The following HGFAC variants were observed in gnomAD, a reference collection of about 807,000 sequenced individuals.
HGFAC encodes the protein HGF activator.
In HGFAC, 76 loss-of-function variants were observed where a neutral mutation model predicts 70.6. The observed-to-expected ratio is 1.08, with a 90% confidence interval of 0.89 to 1.30. HGFAC has a LOEUF of 1.30. Ranked by LOEUF, HGFAC falls within the 50% of genes most tolerant of loss-of-function variation. The pLI is 0.00. For missense variants in HGFAC, 1,044 were observed against 933.7 expected (o/e 1.12, Z -1.54); for synonymous variants, 464 against 405.3 (o/e 1.14, Z -1.74).
Position 3,445,974 on chromosome 4 carries a change from G to A in HGFAC, c.1103-68G>A, listed in dbSNP as rs2109299213. On this transcript the variant is annotated intron_variant, in intron 9 of 13. Transcript: ENST00000382774. Reference sequence around the variant, plus strand: ...CTCTGCAGCGCCTCCTGCCGGGTAGGGCCTGTGTGTGGAAGGGGGCTGGCC... The same window carrying A: ...CTCTGCAGCGCCTCCTGCCGGGTAGAGCCTGTGTGTGGAAGGGGGCTGGCC... 7 of 1,587,978 alleles carry A rather than the reference G, an allele frequency of 4.4e-6. No individual in the cohort carries two copies. In the South Asian group the frequency reaches 6.9e-5, roughly 16 times the overall value.
In HGFAC at chr4:3,444,960, C is replaced by T; in HGVS notation, c.983C>T (p.Ala328Val). 1 of 1,603,836 alleles carries T rather than the reference C, an allele frequency of 6.2e-7. No individual in the cohort carries two copies. The highest frequency in any genetic ancestry group is 8.5e-7 in the Non-Finnish European group (1 of 1,176,560). The change falls in exon 8 of 14, where the codon GCC becomes GTC. Residue 328 changes from alanine to valine, a missense_variant. Transcript: ENST00000382774. ...CACGTGGACTCCGTGGGCGCCGCGG[C>T]CCTGCTGGGCCTGGGCCCCCATGCC... ...ELHVDSVGAA[A>V]LLGLGPHAYC...
Position 3,449,486 on chromosome 4 carries a change from A to C in HGFAC, c.*67A>C, listed in dbSNP as rs1577129127. ...GCTGACAATAAAGATATTTCCAAGA[A>C]CCCGGCCCACGCTGCCTGGCCCCTG... On this transcript the variant is annotated 3_prime_UTR_variant, in exon 14 of 14. Coordinates refer to ENST00000382774, the MANE Select transcript of HGFAC (RefSeq NM_001528.4). The C allele has an allele frequency of 2.8e-6, 4 of 1,418,200 alleles. No individual in the cohort carries two copies. Among genetic ancestry groups the C allele is most frequent in the East Asian group, 2.6e-5 (1 of 38,374 alleles). 87.9% of individuals were successfully genotyped at this position (1,418,200 alleles called of 1,614,324 possible). A position where few individuals can be genotyped will look rare whatever the true frequency, so the allele number is the denominator to read the frequency against.
Position 3,448,258 on chromosome 4 carries a change from C to T in HGFAC, c.1767C>T (p.Cys589=), listed in dbSNP as rs1725600213. 1.9e-6 allele frequency: 3 copies of T among 1,606,382 alleles called. No homozygotes were observed. Among genetic ancestry groups the T allele is most frequent in the Non-Finnish European group, 1.7e-6 (2 of 1,178,094 alleles). Residue 589 remains cysteine, a synonymous_variant, in exon 13 of 14, where the codon TGC becomes TGT. Transcript: ENST00000382774. ...TGCTCTGTGCCGGCTACTTCGACTG[C>T]AAGTCCGACGCCTGCCAGGTGAGCT... is the stretch of plus-strand genomic sequence containing the variant. ...PNMLCAGYFD[C]KSDACQGDSG... is the part of the protein sequence containing the mutation.
At chr4:3,442,974 A>G in intron 2 of HGFAC, 62 bp downstream of exon 2, 2 of 1,549,810 alleles carry the variant, frequency 1.3e-6, no homozygotes, top group South Asian at 1.2e-5. Context: ...TGGGAGGAGC[A>G]TGGCTGCGGC....
At chr4:3,443,645 C>G (rs1244684828) in intron 4 of HGFAC, among the ~76,000 whole-genome samples, 1 of 152,170 alleles carries the variant, frequency 6.6e-6, no homozygotes, top group Non-Finnish European at 1.5e-5. Context: ...CAAGGCGCCG[C>G]CTGGTGGTGA....
rs1725549820 is a variant in HGFAC, at chr4:3,447,477, G to GC, written c.1356-9dup. ...GGAGGGCTGGTCCATGCAGCCTCCA[G>GC]CCCCCCTTGCACAGCCCCCCCAGGG... On this transcript the variant is annotated splice_polypyrimidine_tract_variant and intron_variant, in intron 10 of 13. Coordinates refer to ENST00000382774, the MANE Select transcript of HGFAC (RefSeq NM_001528.4). 2 of 1,611,968 alleles carry GC rather than the reference G, an allele frequency of 1.2e-6. No individual in the cohort carries two copies. The highest frequency in any genetic ancestry group is 1.3e-5 in the African/African-American group (1 of 74,912).
intron 10 of HGFAC, 67 bp downstream of exon 10, chr4:3,446,361 C>T (rs1206685109): frequency 6.5e-7 from 1 of 1,531,054 alleles, no homozygotes; most frequent in African/African-American, 1.4e-5. Flanking sequence ...TCACTATGCG[C>T]CTGTCCCCAC....
Position 3,442,786 on chromosome 4 carries a change from A to C in HGFAC, c.172A>C (p.Ile58Leu). The change falls in exon 2 of 14, where the codon ATC (isoleucine) becomes CTC (leucine). Residue 58 changes from isoleucine (I) to leucine (L), a missense_variant. Ile to Leu is a conservative substitution (Grantham distance 5). Coordinates refer to ENST00000382774, the MANE Select transcript of HGFAC (RefSeq NM_001528.4). ...NATATPAIPT[I>L]LVTSVTSETP... is the part of the protein sequence containing the mutation. ...CACAGCGACCCCTGCGATCCCCACT[A>C]TCCTGGTGACCTCTGTGACCTCTGA... 6.3e-7 allele frequency: 1 copy of C among 1,575,160 alleles called. No individual in the cohort carries two copies. Among genetic ancestry groups the C allele is most frequent in the Non-Finnish European group, 8.6e-7 (1 of 1,163,698 alleles).
Position 3,445,189 on chromosome 4 carries a change from G to A in HGFAC, c.1017-76G>A, listed in dbSNP as rs536845424. Reference sequence around the variant, plus strand: ...AGGTGCGGGGAACCGCCCTGCTGGGGGTTCCGATGCCCCCTCCCCATGCCC... The same window carrying A: ...AGGTGCGGGGAACCGCCCTGCTGGGAGTTCCGATGCCCCCTCCCCATGCCC... On this transcript the variant is annotated intron_variant, in intron 8 of 13. Coordinates refer to ENST00000382774, the MANE Select transcript of HGFAC (RefSeq NM_001528.4). The A allele has an allele frequency of 1.0e-5, 14 of 1,374,238 alleles. No individual in the cohort carries two copies. The South Asian group carries it at 1.7e-4, about 17-fold the overall frequency. 85.1% of individuals were successfully genotyped at this position (1,374,238 alleles called of 1,614,324 possible). A position where few individuals can be genotyped will look rare whatever the true frequency, so the allele number is the denominator to read the frequency against.
Position 3,444,402 on chromosome 4 carries a change from C to T in HGFAC, c.690C>T (p.Cys230=). ...VRQGHVEQCE[C]FGGRTWCEGT... is the part of the protein sequence containing the mutation. ...AGGGCCACGTGGAACAGTGCGAGTGCTTCGGGGGCCGGACCTGGTGCGAAG... is the reference window on the plus strand; with the variant it reads ...AGGGCCACGTGGAACAGTGCGAGTGTTTCGGGGGCCGGACCTGGTGCGAAG... The change falls in exon 6 of 14, where the codon TGC becomes TGT. Residue 230 remains cysteine (C), a synonymous_variant. Coordinates refer to ENST00000382774, the MANE Select transcript of HGFAC (RefSeq NM_001528.4). 1 of 1,605,062 alleles carries T rather than the reference C, an allele frequency of 6.2e-7. No individual in the cohort carries two copies. The highest frequency in any genetic ancestry group is 8.5e-7 in the Non-Finnish European group (1 of 1,177,072).
rs770659969 is a variant in HGFAC, at chr4:3,442,775, C to T, written c.161C>T (p.Ala54Val). 1.6e-5 allele frequency: 25 copies of T among 1,532,362 alleles called. No homozygotes were observed. The highest frequency in any genetic ancestry group is 1.1e-4 in the South Asian group (9 of 79,970). 94.9% of individuals were successfully genotyped at this position (1,532,362 alleles called of 1,614,324 possible). A position where few individuals can be genotyped will look rare whatever the true frequency, so the allele number is the denominator to read the frequency against. The change falls in exon 2 of 14, where the codon GCG (alanine) becomes GTG (valine). Residue 54 changes from alanine (A) to valine (V), a missense_variant. Ala to Val is a moderately conservative substitution (Grantham distance 64). Transcript: ENST00000382774. Reference sequence around the variant, plus strand: ...GAACCTAATGCCACAGCGACCCCTGCGATCCCCACTATCCTGGTGACCTCT... The same window carrying T: ...GAACCTAATGCCACAGCGACCCCTGTGATCCCCACTATCCTGGTGACCTCT... ...SPEPNATATP[A>V]IPTILVTSVT...
Position 3,445,369 on chromosome 4 carries a change from G to A in HGFAC, c.1102+19G>A, listed in dbSNP as rs1461470353. On this transcript the variant is annotated intron_variant, in intron 9 of 13. Transcript: ENST00000382774. ...GCCTGCGGTGCGCGGCTGGCGGGGG[G>A]TGCTGCCTTGGGCCCCACCGAGGTC... 22 of 1,538,960 alleles carry A rather than the reference G, an allele frequency of 1.4e-5. No homozygotes were observed. The highest frequency in any genetic ancestry group is 2.7e-5 in the African/African-American group (2 of 72,974).
chr4:3,442,661 G>A lies in HGFAC; in HGVS notation c.118-71G>A. The A allele has an allele frequency of 4.3e-6, 5 of 1,165,880 alleles. No homozygotes were observed. In the South Asian group the frequency reaches 1.2e-4, roughly 27 times the overall value. The allele number at this position is 1,165,880 out of a possible 1,614,324, so 72.2% of individuals were successfully genotyped here. A position where few individuals can be genotyped will look rare whatever the true frequency, so the allele number is the denominator to read the frequency against. ...CCAGTATGGAAACAGGCTCAGGGCT[G>A]TGACCTCCTGCCCGGCAGGACCTGA... On this transcript the variant is annotated intron_variant, in intron 1 of 13. Transcript: ENST00000382774.
rs754566283 is a variant in HGFAC, at chr4:3,444,171, G to C, written c.598+10G>C. On this transcript the variant is annotated intron_variant, in intron 5 of 13. Transcript: ENST00000382774. The stretch of plus-strand genomic sequence containing the variant: ...AAGGACTGCGGCACAGGTGAGCTGG[G>C]CCTCGGAGGTCCGCAGGGGTCCAGG... The C allele has an allele frequency of 3.1e-6, 5 of 1,591,178 alleles. No homozygotes were observed. Among genetic ancestry groups the C allele is most frequent in the Admixed American group, 1.7e-5 (1 of 57,174 alleles).
chr4:3,443,785 T>C (rs963677184), intron 4 of HGFAC, among the ~76,000 whole-genome samples: 12 of 151,810 alleles, frequency 7.9e-5, no homozygotes, highest in African/African-American at 1.5e-4. Context: ...TGCCTGACAG[T>C]GTGGGTGTCA....
chr4:3,445,496 G>A, intron 9 of HGFAC, 146 bp downstream of exon 9: 1 of 683,260 alleles, frequency 1.5e-6, no homozygotes, highest in Non-Finnish European at 2.6e-6. Context: ...GCTGGTCCAA[G>A]GTCACGCAGT....
chr4:3,448,849 G>A (rs892980492), intron 13 of HGFAC, among the ~76,000 whole-genome samples: 1 of 152,166 alleles, frequency 6.6e-6, no homozygotes, highest in African/African-American at 2.4e-5. Flanking sequence ...GCTTGTCACT[G>A]GACCTCGATA....
At position 3,444,422 on chromosome 4, in the gene HGFAC, G is replaced by A. The variant is rs986422908; in HGVS notation, c.710G>A (p.Cys237Tyr). The change falls in exon 6 of 14, where the codon TGC becomes TAC. Residue 237 changes from cysteine to tyrosine, a missense_variant. Physicochemically the swap from Cys to Tyr is radical, Grantham distance 194. Coordinates refer to ENST00000382774, the MANE Select transcript of HGFAC (RefSeq NM_001528.4). ...GAGTGCTTCGGGGGCCGGACCTGGT[G>A]CGAAGGCACCCGACATACAGGTGCG... ...QCECFGGRTW[C>Y]EGTRHTACLS... The A allele has an allele frequency of 1.9e-6, 3 of 1,601,362 alleles. No homozygotes were observed. Among genetic ancestry groups the A allele is most frequent in the Middle Eastern group, 1.7e-4 (1 of 5,854 alleles).
rs142546313 is a variant in HGFAC at position 3,443,171 on chromosome 4, C to T, written c.395+25C>T. 2,401 of 1,465,986 alleles carry T rather than the reference C, an allele frequency of 1.6e-3. 32 individuals are homozygous for T. In the African/African-American group the frequency reaches 0.03, roughly 18 times the overall value. 90.8% of individuals were successfully genotyped at this position (1,465,986 alleles called of 1,614,324 possible). On this transcript the variant is annotated intron_variant, in intron 3 of 13. Transcript: ENST00000382774. ...GGTGGGTCCGGGCAGCCGGGGCACC[C>T]GAGCTGGGGTCACCTGCCCCACGCT...
Sources: allele counts gnomAD v4.1 joint callset (sites outside exome capture counted in the v4.1 genomes callset), GRCh38; gene constraint gnomAD v4.1.1; transcripts MANE v1.5; gene names NCBI Gene and HGNC (gene_info 2026-07-23, HGNC 2026-07-21).